CFAP61: variants seen among roughly 807,000 people sequenced by gnomAD.
The protein encoded by CFAP61 is cilia- and flagella-associated protein 61.
In CFAP61, 107 loss-of-function variants were observed where a neutral mutation model predicts 135.6. The observed-to-expected ratio is 0.79, with a 90% CI of 0.67 to 0.93. The LOEUF (loss-of-function observed/expected upper bound fraction) is 0.93, where lower values mean the gene tolerates loss of function less well. Among genes scored for constraint, CFAP61 ranks in the 40% least tolerant of loss-of-function variants. The pLI is 0.00. For synonymous variants in CFAP61, 575 were observed against 578.5 expected, an observed-to-expected ratio of 0.99 and a Z score of 0.09; for missense variants, 1,507 against 1,556.2, an observed-to-expected ratio of 0.97 and a Z score of 0.53.
chr20:20,321,778 A>T (rs2057530726), intron 25 of CFAP61, among the ~76,000 whole-genome samples: 7 of 152,230 alleles, frequency 4.6e-5, no homozygotes, highest in Admixed American at 4.6e-4. Context: ...GACAGTTTCA[A>T]ACTATGACTG....
At chr20:20,074,257 G>A (rs1430237617) in intron 3 of CFAP61, 45 bp from the exon 4 acceptor site, 4 of 1,548,650 alleles carry the variant, frequency 2.6e-6, no homozygotes, top group East Asian at 2.2e-5. Flanking sequence ...GACCTAGCCC[G>A]AATACTGACT....
In CFAP61 at chr20:20,085,230, G is replaced by A. The variant is rs994794451; in HGVS notation, c.567-5614G>A. Reference sequence around the variant, plus strand: ...TTGCATCCTGACTTTGACAGGCAGCGCTCATTGCCTCAGAACAGTCACGTT... The same window carrying A: ...TTGCATCCTGACTTTGACAGGCAGCACTCATTGCCTCAGAACAGTCACGTT... On this transcript the variant is annotated intron_variant, in intron 6 of 26. Coordinates refer to ENST00000245957, the MANE Select transcript of CFAP61 (RefSeq NM_015585.4). 5.2e-5 allele frequency: 51 copies of A among 985,280 alleles called. No individual in the cohort carries two copies. In the African/African-American group the frequency reaches 7.2e-4, roughly 14 times the overall value. The allele number at this position is 985,280 out of a possible 1,614,324, so 61.0% of individuals were successfully genotyped here. A position where few individuals can be genotyped will look rare whatever the true frequency, so the allele number is the denominator to read the frequency against.
At chr20:20,230,237 C>T (rs1034415089) in intron 18 of CFAP61, among the ~76,000 whole-genome samples, 3 of 152,176 alleles carry the variant, frequency 2.0e-5, no homozygotes, top group Admixed American at 1.3e-4. Flanking sequence ...CTAAAATACT[C>T]ATAATTCTCT....
At chr20:20,061,007 C>T (rs1322912795) in intron 2 of CFAP61, among the ~76,000 whole-genome samples, 1 of 152,196 alleles carries the variant, frequency 6.6e-6, no homozygotes, top group Non-Finnish European at 1.5e-5. Context: ...CTTAGTTCAA[C>T]CCAGGCAGCC....
At chr20:20,214,466 G>A (rs190449310) in intron 17 of CFAP61, 20 of 152,258 alleles carry the variant, frequency 1.3e-4, no homozygotes, top group African/African-American at 4.3e-4. Context: ...GACTTGGAAC[G>A]AGCAATACGT....
intron 6 of CFAP61, among the ~76,000 whole-genome samples, chr20:20,090,589 C>T (rs2047114515): frequency 6.7e-6 from 1 of 149,476 alleles, no homozygotes; most frequent in Non-Finnish European, 1.5e-5. Flanking sequence ...ACTCGGGAGG[C>T]TGAGGCAGGA....
chr20:20,118,310 C>CTTTCTTTCTTTTT (rs2049334508), intron 8 of CFAP61, among the ~76,000 whole-genome samples: 1 of 112,438 alleles, frequency 8.9e-6, no homozygotes, highest in African/African-American at 3.3e-5. Context: ...TCTTTCTTTT[C>CTTTCTTTCTTTTT]TTTCTTTCTG....
At chr20:20,337,371 T>C in intron 25 of CFAP61, among the ~76,000 whole-genome samples, 1 of 138,408 alleles carries the variant, frequency 7.2e-6, no homozygotes, top group African/African-American at 2.7e-5. Context: ...GATGGATGGA[T>C]GGATGGATGG....
chr20:20,249,847 G>T (rs963913864), intron 19 of CFAP61, among the ~76,000 whole-genome samples: 1 of 152,100 alleles, frequency 6.6e-6, no homozygotes, highest in Non-Finnish European at 1.5e-5. Context: ...TTTCCTCATC[G>T]TGGATGGCTT....
chr20:20,103,973 ATC>A (rs1369845937), intron 8 of CFAP61, among the ~76,000 whole-genome samples: 1 of 152,210 alleles, frequency 6.6e-6, no homozygotes, highest in African/African-American at 2.4e-5. Context: ...GGCAGCATGA[ATC>A]TCTGTTTTAA....
chr20:20,178,753 G>T (rs555551898), intron 13 of CFAP61, among the ~76,000 whole-genome samples: 6 of 151,848 alleles, frequency 4.0e-5, no homozygotes, highest in Non-Finnish European at 7.4e-5. Flanking sequence ...TCCTATTTCA[G>T]GCCCGTGTTA....
At chr20:20,321,959 A>G (rs966932141) in intron 25 of CFAP61, among the ~76,000 whole-genome samples, 1 of 152,192 alleles carries the variant, frequency 6.6e-6, no homozygotes, top group Non-Finnish European at 1.5e-5. Context: ...CTTGTTTGCT[A>G]GAATATTCCC....
At chr20:20,137,182 C>T (rs1045183442) in intron 8 of CFAP61, among the ~76,000 whole-genome samples, 2 of 152,190 alleles carry the variant, frequency 1.3e-5, no homozygotes, top group African/African-American at 4.8e-5. Context: ...TGGCCACCAC[C>T]ACTGTGACTG....
At chr20:20,064,738 G>A (rs773629019) in intron 2 of CFAP61, among the ~76,000 whole-genome samples, 5 of 152,108 alleles carry the variant, frequency 3.3e-5, no homozygotes, top group Non-Finnish European at 7.4e-5. Flanking sequence ...GGGGGACTAC[G>A]GTATTTCCCA....
intron 6 of CFAP61, among the ~76,000 whole-genome samples, chr20:20,090,502 C>T (rs1431612503): frequency 1.3e-5 from 2 of 151,910 alleles, no homozygotes; most frequent in Non-Finnish European, 2.9e-5. Context: ...CCATCCTGGC[C>T]AACATGGTGA....
chr20:20,332,300 A>G (rs1276903380), intron 25 of CFAP61, among the ~76,000 whole-genome samples: 1 of 152,240 alleles, frequency 6.6e-6, no homozygotes, highest in African/African-American at 2.4e-5. Context: ...ACATTATGCT[A>G]TTTCTACAAG....
At chr20:20,090,716 G>T in intron 6 of CFAP61, 128 bp from the exon 7 acceptor site, 1 of 676,736 alleles carries the variant, frequency 1.5e-6, no homozygotes, top group Non-Finnish European at 2.4e-6. Context: ...AAAAAAAGAA[G>T]GAAAGTTGAT....
intron 20 of CFAP61, among the ~76,000 whole-genome samples, chr20:20,261,149 T>G (rs1342134112): frequency 2.6e-5 from 4 of 152,250 alleles, no homozygotes; most frequent in Non-Finnish European, 5.9e-5. Flanking sequence ...ATATCCAGCT[T>G]TAAACATTGG....
intron 21 of CFAP61, chr20:20,265,872 TACTCA>T (rs1191057597): frequency 1.6e-5 from 3 of 192,508 alleles, no homozygotes; most frequent in African/African-American, 7.1e-5. Context: ...ATCCAGGTCA[TACTCA>T]GACATAACTT....
Sources: allele counts gnomAD v4.1 joint callset (sites outside exome capture counted in the v4.1 genomes callset), GRCh38; gene constraint gnomAD v4.1.1; transcripts MANE v1.5; gene names NCBI Gene and HGNC (gene_info 2026-07-23, HGNC 2026-07-21).